RPS6KB1: variants seen among roughly 807,000 people sequenced by gnomAD.
RPS6KB1 encodes ribosomal protein S6 kinase B1.
A neutral mutation model predicts 70.2 loss-of-function variants in RPS6KB1; 12 were observed. The observed-to-expected ratio is 0.17, with a 90% CI of 0.11 to 0.28. RPS6KB1 has a LOEUF of 0.28. Ranked by LOEUF, RPS6KB1 falls within the 10% of genes least tolerant of loss-of-function variation. The pLI is 1.00. For synonymous variants in RPS6KB1, 175 were observed against 211.2 expected (o/e 0.83, Z 1.49); for missense variants, 270 against 646.6 (o/e 0.42, Z 6.32).
chr17:59,912,223 T>A, intron 2 of RPS6KB1: 1 of 214,552 alleles, frequency 4.7e-6, no homozygotes, highest in Admixed American at 4.6e-5. Flanking sequence ...TGTATTGGAG[T>A]CACCCATGAA....
rs1029281284 is a variant in RPS6KB1 at position 59,926,321 on chromosome 17, T to G, written c.382-114T>G. On this transcript the variant is annotated intron_variant, in intron 4 of 14. Transcript: ENST00000225577. ...CCATCTCAGTTTCTAGTGGGAACTA[T>G]GGTTAATAGTTCAATATTGGCAGGA... 5.2e-6 allele frequency: 4 copies of G among 770,066 alleles called. No individual in the cohort carries two copies. The African/African-American group carries it at 7.1e-5, about 14-fold the overall frequency. 47.7% of individuals were successfully genotyped at this position (770,066 alleles called of 1,614,324 possible).
intron 1 of RPS6KB1, among the ~76,000 whole-genome samples, chr17:59,901,381 C>T (rs1254104091): frequency 6.6e-6 from 1 of 151,048 alleles, no homozygotes; most frequent in Non-Finnish European, 1.5e-5. Context: ...GATCTCCTGA[C>T]CTTGCAATCC....
At chr17:59,894,035 ATTTT>A in intron 1 of RPS6KB1, 1 of 738,152 alleles carries the variant, frequency 1.4e-6, no homozygotes, top group Non-Finnish European at 1.7e-6. Flanking sequence ...AGATGTCTGT[ATTTT>A]TTTCAGAATA....
rs73994263 is a variant in RPS6KB1 at position 59,919,647 on chromosome 17, G to A, written c.381+4944G>A. ...AGTTTTTACATTAGTACTTTACTCT[G>A]TGGATCTAATCTTTCACTTTTTTTT... On this transcript the variant is annotated intron_variant, in intron 4 of 14. Coordinates refer to ENST00000225577, the MANE Select transcript of RPS6KB1 (RefSeq NM_003161.4). 4.2e-3 allele frequency among the ~76,000 whole-genome samples: 644 copies of A among 151,974 alleles called. 8 individuals carry two copies. Among genetic ancestry groups the A allele is most frequent in the African/African-American group, 0.015 (623 of 41,454 alleles).
Position 59,942,179 on chromosome 17 carries a change from T to C in RPS6KB1, c.1227+1236T>C, listed in dbSNP as rs544572589. ...AGTCGATGGTCTCGATTTCTTGACC[T>C]CGTGATCCACCCGCCTTGGCCTCCC... is the stretch of plus-strand genomic sequence containing the variant. On this transcript the variant is annotated intron_variant, in intron 13 of 14. Coordinates refer to ENST00000225577, the MANE Select transcript of RPS6KB1 (RefSeq NM_003161.4). 4.6e-5 allele frequency among the ~76,000 whole-genome samples: 7 copies of C among 152,242 alleles called. No individual in the cohort carries two copies. The South Asian group carries it at 1.2e-3, about 27-fold the overall frequency.
In RPS6KB1 at chr17:59,893,160, T is replaced by C. The variant is rs752783427; in HGVS notation, c.-25T>C. 2 of 1,600,842 alleles carry C rather than the reference T, an allele frequency of 1.2e-6. No individual in the cohort carries two copies. The highest frequency in any genetic ancestry group is 1.7e-6 in the Non-Finnish European group (2 of 1,174,822). On this transcript the variant is annotated 5_prime_UTR_variant, in exon 1 of 15. Transcript: ENST00000225577. The surrounding 1 kb of genome is among the most constrained non-coding windows in gnomAD (Gnocchi z 4.1). ...CAGCCGGTGATGGCGGCAGCGGCTG[T>C]GGTGGCTGCGGCGGGTCCGGGCCCA...
intron 13 of RPS6KB1, among the ~76,000 whole-genome samples, chr17:59,944,178 C>T (rs968664841): frequency 7.9e-5 from 12 of 152,080 alleles, no homozygotes; most frequent in Middle Eastern, 3.2e-3. Context: ...AATTGCACCT[C>T]ACTCTTTGGG....
chr17:59,929,078 A>G (rs188584869), intron 5 of RPS6KB1, among the ~76,000 whole-genome samples: 29 of 150,994 alleles, frequency 1.9e-4, no homozygotes, highest in Middle Eastern at 3.5e-3. Flanking sequence ...TCTTTTGAGG[A>G]GATACTTTGA....
At chr17:59,894,885 A>G (rs1452516821) in intron 1 of RPS6KB1, among the ~76,000 whole-genome samples, 1 of 151,998 alleles carries the variant, frequency 6.6e-6, no homozygotes, top group Admixed American at 6.6e-5. Flanking sequence ...GATTATAGGC[A>G]TAAACCACCA....
intron 4 of RPS6KB1, among the ~76,000 whole-genome samples, chr17:59,922,522 C>T (rs1299194434): frequency 3.7e-5 from 5 of 133,340 alleles, no homozygotes; most frequent in African/African-American, 1.4e-4. Context: ...TCTATATTGT[C>T]ATTAGTCTGT....
intron 3 of RPS6KB1, 69 bp from the exon 4 acceptor site, chr17:59,914,566 A>C: frequency 9.0e-7 from 1 of 1,114,148 alleles, no homozygotes; most frequent in Non-Finnish European, 1.4e-6. Context: ...TGTTTCTTAT[A>C]ACTAGGAATT....
intron 1 of RPS6KB1, among the ~76,000 whole-genome samples, chr17:59,897,534 C>T (rs1018402651): frequency 3.3e-5 from 5 of 151,958 alleles, no homozygotes; most frequent in African/African-American, 1.2e-4. Context: ...GAGAGATGTG[C>T]CTTTCAAGGT....
chr17:59,934,197 T>A lies in RPS6KB1; in HGVS notation c.716T>A (p.Leu239Gln). Residue 239 changes from leucine to glutamine, a missense_variant, in exon 8 of 15, where the codon CTA becomes CAA. Leu to Gln is a moderately radical substitution (Grantham distance 113). This residue lies in a region of RPS6KB1 where 21 missense variants were observed against 135.9 expected (regional missense o/e 0.15). Coordinates refer to ENST00000225577, the MANE Select transcript of RPS6KB1 (RefSeq NM_003161.4). This position sits in a 1 kb window ranked among gnomAD's most constrained non-coding sequence, Gnocchi z 4.8. ...CATGTGAAACTAACAGACTTTGGAC[T>A]ATGCAAAGAATCTATTCATGATGGA... The part of the protein sequence containing the change: ...QGHVKLTDFG[L>Q]CKESIHDGTV... 6.2e-7 allele frequency: 1 copy of A among 1,609,616 alleles called. No homozygotes were observed. Among genetic ancestry groups the A allele is most frequent in the East Asian group, 2.2e-5 (1 of 44,826 alleles).
chr17:59,894,849 C>T (rs764997019), intron 1 of RPS6KB1, among the ~76,000 whole-genome samples: 50 of 152,184 alleles, frequency 3.3e-4, no homozygotes, highest in Non-Finnish European at 6.5e-4. Flanking sequence ...AAATGATCCA[C>T]CAGCCTCGGC....
rs1187023063 is a variant in RPS6KB1 at position 59,912,813 on chromosome 17, T to C, written c.312+9T>C. 1.9e-6 allele frequency: 3 copies of C among 1,613,478 alleles called. No homozygotes were observed. The highest frequency in any genetic ancestry group is 2.7e-5 in the African/African-American group (2 of 75,020). ...AAGGGGGCTATGGAAAGGTAGGCAA[T>C]ATTTTTGAAATGAGAGCTGTTGTCT... On this transcript the variant is annotated intron_variant, in intron 3 of 14. Coordinates refer to ENST00000225577, the MANE Select transcript of RPS6KB1 (RefSeq NM_003161.4).
chr17:59,914,212 T>C (rs564117109), intron 3 of RPS6KB1, among the ~76,000 whole-genome samples: 32 of 152,230 alleles, frequency 2.1e-4, no homozygotes, highest in Non-Finnish European at 3.8e-4. Context: ...GCAAGCAACC[T>C]TGAAAGAAAT....
intron 5 of RPS6KB1, among the ~76,000 whole-genome samples, chr17:59,928,417 G>A (rs1316979612): frequency 1.3e-5 from 2 of 149,796 alleles, no homozygotes; most frequent in African/African-American, 4.9e-5. Context: ...GTCTCACTCT[G>A]TCGCCCAGAC....
intron 5 of RPS6KB1, among the ~76,000 whole-genome samples, chr17:59,927,468 A>G (rs1301718046): frequency 6.6e-6 from 1 of 152,066 alleles, no homozygotes; most frequent in Non-Finnish European, 1.5e-5. Flanking sequence ...AAAGCTACAG[A>G]ATGTAGCAAC....
At chr17:59,926,732 C>A in intron 5 of RPS6KB1, 150 bp downstream of exon 5, 3 of 543,448 alleles carry the variant, frequency 5.5e-6, no homozygotes, top group Non-Finnish European at 9.4e-6. Context: ...TCAGATGTGA[C>A]CAAATGTTTC....
Sources: allele counts gnomAD v4.1 joint callset (sites outside exome capture counted in the v4.1 genomes callset), GRCh38; gene constraint gnomAD v4.1.1; regional missense constraint gnomAD v4.1.1; non-coding constraint Gnocchi (gnomAD v3.1); transcripts MANE v1.5; gene names NCBI Gene and HGNC (gene_info 2026-07-23, HGNC 2026-07-21).